The following NBEA variants were observed in gnomAD, a reference collection of about 807,000 sequenced individuals.
NBEA encodes the protein lysosomal-trafficking regulator 2.
NBEA carries 44 observed loss-of-function variants against 343.4 expected under a neutral mutation model. That is an observed-to-expected ratio of 0.13 (90% CI 0.10 to 0.16). The LOEUF (loss-of-function observed/expected upper bound fraction) is 0.16. Ranked by LOEUF, NBEA falls within the 10% of genes least tolerant of loss-of-function variation. The pLI is 1.00. For synonymous variants in NBEA, 1,175 were observed against 1,238.7 expected, an observed-to-expected ratio of 0.95 and a Z score of 1.08; for missense variants, 2,555 against 3,631.3, an observed-to-expected ratio of 0.70 and a Z score of 7.62.
intron 6 of NBEA, among the ~76,000 whole-genome samples, chr13:35,051,926 T>C (rs1328512867): frequency 2.6e-5 from 4 of 152,072 alleles, no homozygotes; most frequent in Non-Finnish European, 4.4e-5. Context: ...TATAACCAAA[T>C]GAAATTGTCA....
At chr13:35,450,663 A>G (rs2046265120) in intron 39 of NBEA, among the ~76,000 whole-genome samples, 2 of 152,318 alleles carry the variant, frequency 1.3e-5, no homozygotes, top group South Asian at 4.1e-4. Flanking sequence ...CCCTAAAAAT[A>G]TAATACAACA....
intron 1 of NBEA, among the ~76,000 whole-genome samples, chr13:34,988,753 T>C (rs985837700): frequency 4.0e-5 from 6 of 151,298 alleles, no homozygotes; most frequent in African/African-American, 1.2e-4. Context: ...CTAATAGTTA[T>C]ATTGTTGCAC....
chr13:35,232,691 C>A, intron 34 of NBEA, 72 bp downstream of exon 34: 1 of 1,149,622 alleles, frequency 8.7e-7, no homozygotes, highest in South Asian at 2.3e-5. Flanking sequence ...ATTTGTGCTT[C>A]TGGAGGAATA....
At chr13:34,976,580 T>A (rs2060182652) in intron 1 of NBEA, among the ~76,000 whole-genome samples, 1 of 152,042 alleles carries the variant, frequency 6.6e-6, no homozygotes, top group Non-Finnish European at 1.5e-5. Flanking sequence ...AAATAAAAAA[T>A]TTAAAATAAA....
intron 38 of NBEA, among the ~76,000 whole-genome samples, chr13:35,383,376 G>C (rs934939940): frequency 1.3e-5 from 2 of 152,160 alleles, no homozygotes; most frequent in African/African-American, 4.8e-5. Context: ...CATTATTTAA[G>C]GGGGAGAGTG....
chr13:35,434,393 G>A (rs565331381), intron 39 of NBEA, among the ~76,000 whole-genome samples: 5 of 152,104 alleles, frequency 3.3e-5, no homozygotes, highest in South Asian at 2.1e-4. Context: ...CATAAGCAAC[G>A]TTCAGAACCC....
At position 35,432,358 on chromosome 13, in the gene NBEA, A is replaced by C; in HGVS notation, c.6269A>C (p.His2090Pro). ...RFVRNAFGST[H>P]AEALLKAAIE... ...GTTCGCAATGCATTTGGCTCCACTC[A>C]TGCTGAAGCATTGCTGAAAGCTGCA... Residue 2090 changes from histidine to proline, a missense_variant, in exon 39 of 59, where the codon CAT (histidine) becomes CCT (proline). Physicochemically the swap from His to Pro is moderately conservative, Grantham distance 77. Coordinates refer to ENST00000379939, the MANE Select transcript of NBEA (RefSeq NM_001385012.1). 1 of 1,609,484 alleles carries C rather than the reference A, an allele frequency of 6.2e-7. No individual in the cohort carries two copies. Among genetic ancestry groups the C allele is most frequent in the Non-Finnish European group, 8.5e-7 (1 of 1,177,712 alleles).
intron 38 of NBEA, among the ~76,000 whole-genome samples, chr13:35,367,907 G>A (rs1295081352): frequency 4.0e-5 from 6 of 151,384 alleles, no homozygotes; most frequent in Non-Finnish European, 5.9e-5. Flanking sequence ...ACATGCATAC[G>A]AAGTGGACAA....
intron 41 of NBEA, among the ~76,000 whole-genome samples, chr13:35,496,178 T>C (rs2152976804): frequency 6.6e-6 from 1 of 151,936 alleles, no homozygotes; most frequent in East Asian, 1.9e-4. Flanking sequence ...AAAAACAAGG[T>C]CTCATTATGT....
chr13:35,071,174 A>G (rs1339770156), intron 10 of NBEA, among the ~76,000 whole-genome samples: 1 of 152,070 alleles, frequency 6.6e-6, no homozygotes, highest in East Asian at 1.9e-4. Flanking sequence ...TCATGGTTTG[A>G]ATTGACCATG....
At chr13:35,070,155 A>G (rs751232382) in intron 9 of NBEA, 50 bp downstream of exon 9, 2 of 1,394,022 alleles carry the variant, frequency 1.4e-6, no homozygotes, top group South Asian at 1.7e-5. Context: ...ATTTGACAGT[A>G]TCTTTATTTT....
intron 1 of NBEA, among the ~76,000 whole-genome samples, chr13:35,025,128 T>G (rs2061974510): frequency 6.6e-6 from 1 of 152,218 alleles, no homozygotes; most frequent in South Asian, 2.1e-4. Context: ...TTAGGTTGTC[T>G]GCTTATTTTG....
In NBEA at chr13:35,550,852, C is replaced by G. The variant is rs1361946357; in HGVS notation, c.6704-78C>G. The stretch of plus-strand genomic sequence containing the variant: ...CTTTACAAATAAATCATGATAGGCA[C>G]TTGAAGATGACTTGTAAAATTGATG... On this transcript the variant is annotated intron_variant, in intron 42 of 58. Coordinates refer to ENST00000379939, the MANE Select transcript of NBEA (RefSeq NM_001385012.1). 4.7e-6 allele frequency: 4 copies of G among 854,968 alleles called. No homozygotes were observed. In the African/African-American group the frequency reaches 6.8e-5, roughly 14 times the overall value. 53.0% of individuals were successfully genotyped at this position (854,968 alleles called of 1,614,324 possible). A position where few individuals can be genotyped will look rare whatever the true frequency, so the allele number is the denominator to read the frequency against.
chr13:35,247,198 C>G (rs978445479), intron 34 of NBEA, among the ~76,000 whole-genome samples: 54 of 152,172 alleles, frequency 3.5e-4, no homozygotes, highest in African/African-American at 1.2e-3. Flanking sequence ...AGAACTTACC[C>G]CAGGCTACCG....
chr13:35,601,361 C>T (rs1238007560), intron 47 of NBEA, among the ~76,000 whole-genome samples: 1 of 151,964 alleles, frequency 6.6e-6, no homozygotes, highest in African/African-American at 2.4e-5. Flanking sequence ...AGACAAGGTC[C>T]CTACCTTTTG....
At chr13:35,348,372 C>T (rs1471133633) in intron 36 of NBEA, among the ~76,000 whole-genome samples, 1 of 152,052 alleles carries the variant, frequency 6.6e-6, no homozygotes, top group Non-Finnish European at 1.5e-5. Flanking sequence ...CTCTGAAACA[C>T]ACCCAGGCAT....
At chr13:35,509,779 G>A (rs575971310) in intron 41 of NBEA, among the ~76,000 whole-genome samples, 6 of 152,260 alleles carry the variant, frequency 3.9e-5, no homozygotes, top group South Asian at 2.1e-4. Context: ...TGGACTGACC[G>A]GCGAACAGTG....
At chr13:35,267,715 A>C (rs2033802644) in intron 34 of NBEA, among the ~76,000 whole-genome samples, 1 of 151,938 alleles carries the variant, frequency 6.6e-6, no homozygotes, top group Admixed American at 6.6e-5. Context: ...AAAAAAGTAC[A>C]TACAAATGGT....
At chr13:35,471,588 A>G (rs1427711045) in intron 40 of NBEA, among the ~76,000 whole-genome samples, 2 of 152,190 alleles carry the variant, frequency 1.3e-5, no homozygotes, top group Admixed American at 6.5e-5. Flanking sequence ...TTCATATTCC[A>G]TACGCGTAAT....
Sources: allele counts gnomAD v4.1 joint callset (sites outside exome capture counted in the v4.1 genomes callset), GRCh38; gene constraint gnomAD v4.1.1; transcripts MANE v1.5; gene names NCBI Gene and HGNC (gene_info 2026-07-23, HGNC 2026-07-21).